The following TASP1 variants were observed in gnomAD, a reference collection of about 807,000 sequenced individuals.
TASP1 encodes taspase 1.
In TASP1, 16 loss-of-function variants were observed where a neutral mutation model predicts 56.6. The ratio of observed to expected loss-of-function variants is 0.28; its 90% CI spans 0.19 to 0.43. The LOEUF is 0.43. Ranked by LOEUF, TASP1 falls within the 20% of genes least tolerant of loss-of-function variation. The pLI is 1.00. For synonymous variants in TASP1, 179 were observed against 184.2 expected, an observed-to-expected ratio of 0.97 and a Z score of 0.23; for missense variants, 393 against 511.6, an observed-to-expected ratio of 0.77 and a Z score of 2.24.
the TASP1 span, among the ~76,000 whole-genome samples, chr20:13,381,620 A>C: frequency 6.6e-6 from 1 of 152,150 alleles, no homozygotes; most frequent in Non-Finnish European, 1.5e-5. Context: ...TGAACTAGCT[A>C]GGGTATTGTT....
At chr20:13,529,917 A>T (rs900807008) in intron 9 of TASP1, among the ~76,000 whole-genome samples, 6 of 152,182 alleles carry the variant, frequency 3.9e-5, no homozygotes, top group African/African-American at 1.4e-4. Flanking sequence ...TCACTGCCTC[A>T]TGTGGGAACA....
At chr20:13,218,065 T>C in the TASP1 span, among the ~76,000 whole-genome samples, 1 of 151,834 alleles carries the variant, frequency 6.6e-6, no homozygotes, top group Non-Finnish European at 1.5e-5. Flanking sequence ...GCCTGGCCAA[T>C]ACGGTGAAAA....
intron 4 of TASP1, among the ~76,000 whole-genome samples, chr20:13,588,247 AAGAAAGGAAGG>A (rs2047380579): frequency 3.0e-5 from 4 of 131,316 alleles, no homozygotes; most frequent in Non-Finnish European, 1.6e-5. Context: ...GAAAGAAAGG[AAGAAAGGAAGG>A]AAGGAAGGAA....
intron 10 of TASP1, among the ~76,000 whole-genome samples, chr20:13,496,525 G>A (rs1485158291): frequency 1.3e-5 from 2 of 151,186 alleles, no homozygotes; most frequent in African/African-American, 4.9e-5. Flanking sequence ...TGGAGAAATG[G>A]CTGGTTCTGG....
chr20:13,180,800 G>A, the TASP1 span, among the ~76,000 whole-genome samples: 2 of 152,170 alleles, frequency 1.3e-5, no homozygotes, highest in African/African-American at 4.8e-5. Context: ...GAGATAATAG[G>A]GAAGGAAGAT....
chr20:13,153,156 T>C, the TASP1 span, among the ~76,000 whole-genome samples: 1 of 152,238 alleles, frequency 6.6e-6, no homozygotes. Flanking sequence ...AAACACTATC[T>C]AGCTTTGGCT....
At chr20:13,524,514 C>G (rs988419273) in intron 10 of TASP1, among the ~76,000 whole-genome samples, 1 of 152,128 alleles carries the variant, frequency 6.6e-6, no homozygotes, top group Non-Finnish European at 1.5e-5. Flanking sequence ...CGGGCACTTA[C>G]CCTGTACAAG....
chr20:13,185,686 T>C, the TASP1 span, among the ~76,000 whole-genome samples: 1 of 152,208 alleles, frequency 6.6e-6, no homozygotes, highest in African/African-American at 2.4e-5. Flanking sequence ...TCCCACTTTA[T>C]TGGTGACCTG....
rs1389212111 is a variant in TASP1, at chr20:13,402,690, T to C, written c.1171-12238A>G. On this transcript the variant is annotated intron_variant, in intron 13 of 13. Transcript: ENST00000337743. ...AAATTTGGTTAAGACTAAGGCCAATTTGTATCTAGGTGTTTCCTGTCAAAT... is the reference window on the plus strand; with the variant it reads ...AAATTTGGTTAAGACTAAGGCCAATCTGTATCTAGGTGTTTCCTGTCAAAT... 2.0e-5 allele frequency among the ~76,000 whole-genome samples: 3 copies of C among 152,238 alleles called. No individual in the cohort carries two copies. In the East Asian group the frequency reaches 5.8e-4, roughly 29 times the overall value.
chr20:13,533,920 T>C (rs536011413), intron 9 of TASP1, 102 bp downstream of exon 9: 2 of 1,360,276 alleles, frequency 1.5e-6, no homozygotes, highest in South Asian at 2.9e-5. Flanking sequence ...ATGACATTCA[T>C]TTTTTCTAAA....
intron 4 of TASP1, among the ~76,000 whole-genome samples, chr20:13,594,357 A>G (rs1378494978): frequency 6.6e-6 from 1 of 152,244 alleles, no homozygotes; most frequent in East Asian, 1.9e-4. Flanking sequence ...AATGGAACAA[A>G]GCTGGATGGA....
At chr20:13,340,330 C>A in the TASP1 span, among the ~76,000 whole-genome samples, 1 of 152,166 alleles carries the variant, frequency 6.6e-6, no homozygotes. Context: ...ATGCCAGCAA[C>A]CTCCTACCTC....
intron 10 of TASP1, among the ~76,000 whole-genome samples, chr20:13,490,730 T>C (rs989645667): frequency 1.4e-5 from 2 of 145,746 alleles, no homozygotes; most frequent in African/African-American, 5.0e-5. Flanking sequence ...GCCTATAGGG[T>C]AAGGGTTAGT....
intron 11 of TASP1, among the ~76,000 whole-genome samples, chr20:13,471,273 T>C (rs1228231563): frequency 6.6e-6 from 1 of 152,094 alleles, no homozygotes; most frequent in Non-Finnish European, 1.5e-5. Context: ...GGAAGTACCA[T>C]AAATCATGGA....
At chr20:13,448,359 TTTA>T in intron 11 of TASP1, among the ~76,000 whole-genome samples, 1 of 152,270 alleles carries the variant, frequency 6.6e-6, no homozygotes, top group South Asian at 2.1e-4. Context: ...TTCGAGTGGC[TTTA>T]TTTTCACAAT....
intron 12 of TASP1, among the ~76,000 whole-genome samples, chr20:13,421,953 C>CTTTTTTTTTT (rs1179688722): frequency 0.017 from 2,361 of 138,730 alleles, 48 homozygotes; most frequent in Middle Eastern, 0.03. Flanking sequence ...TCTGTTTAAC[C>CTTTTTTTTTT]TTTTTTTTTT....
At chr20:13,261,751 T>C in the TASP1 span, among the ~76,000 whole-genome samples, 1 of 152,314 alleles carries the variant, frequency 6.6e-6, no homozygotes, top group East Asian at 1.9e-4. Context: ...TGAGGGTTCT[T>C]AACTTTAGTG....
the TASP1 span, among the ~76,000 whole-genome samples, chr20:13,190,643 T>C: frequency 1.3e-5 from 2 of 152,038 alleles, no homozygotes; most frequent in Admixed American, 6.6e-5. Context: ...GAAGAAAACA[T>C]TGGGTAAACA....
chr20:13,321,842 C>G, the TASP1 span, among the ~76,000 whole-genome samples: 2,592 of 152,240 alleles, frequency 0.017, 77 homozygotes, highest in African/African-American at 0.059. Flanking sequence ...AGAGGCAGCA[C>G]TCAGATTCTT....
Sources: gnomAD v4.1 joint callset for allele counts (sites outside exome capture counted in the v4.1 genomes callset) on GRCh38, gnomAD v4.1.1 for gene constraint, MANE v1.5 for transcripts, NCBI Gene and HGNC (gene_info 2026-07-23, HGNC 2026-07-21) for gene names.